The following MVP variants were observed in gnomAD, a reference collection of about 807,000 sequenced individuals.
MVP encodes lung resistance-related protein.
Under a neutral mutation model 83.5 loss-of-function variants are expected in MVP, and 62 were observed. The ratio of observed to expected loss-of-function variants is 0.74; its 90% CI spans 0.61 to 0.92. The LOEUF (loss-of-function observed/expected upper bound fraction) is 0.92. MVP is among the 40% of genes least tolerant of loss of function. MVP has a pLI of 0.00. For synonymous variants in MVP, 505 were observed against 504.1 expected (o/e 1.00, Z -0.02); for missense variants, 1,000 against 1,203.4 (o/e 0.83, Z 2.50).
intron 11 of MVP, among the ~76,000 whole-genome samples, chr16:29,845,588 C>T (rs150055138): frequency 7.2e-5 from 11 of 152,352 alleles, no homozygotes; most frequent in African/African-American, 2.6e-4. Context: ...GTCTCTCCCA[C>T]ACTTGTCACT....
intron 5 of MVP, chr16:29,834,503 T>C: frequency 4.8e-6 from 1 of 208,296 alleles, no homozygotes; most frequent in Non-Finnish European, 9.9e-6. Flanking sequence ...ACCCCATCTC[T>C]ACAGAGAATT....
intron 1 of MVP, 94 bp from the exon 2 acceptor site, chr16:29,830,420 AG>A (rs1348477079): frequency 9.5e-7 from 1 of 1,049,602 alleles, no homozygotes; most frequent in Non-Finnish European, 1.4e-6. Context: ...TGGAGGAGGT[AG>A]GGCCGTATCC....
chr16:29,847,160 T>C, intron 13 of MVP, 37 bp from the exon 14 acceptor site: 1 of 1,602,664 alleles, frequency 6.2e-7, no homozygotes, highest in Non-Finnish European at 8.5e-7. Context: ...CCAGCCTGGG[T>C]CAAAAAATAA....
chr16:29,843,848 C>A (rs1208325605), intron 10 of MVP, among the ~76,000 whole-genome samples: 1 of 151,802 alleles, frequency 6.6e-6, no homozygotes, highest in Non-Finnish European at 1.5e-5. Context: ...TGCAGTGAAC[C>A]CAGATCGAGC....
At chr16:29,847,682 C>A in intron 14 of MVP, 80 bp from the exon 15 acceptor site, 1 of 1,404,438 alleles carries the variant, frequency 7.1e-7, no homozygotes, top group Non-Finnish European at 1.0e-6. Context: ...ACCCTTCAAA[C>A]CAGCTGACTT....
rs1470070649 is a variant in MVP at position 29,845,881 on chromosome 16, G to A, written c.2040G>A (p.Leu680=). The change falls in exon 12 of 15, where the codon CTG becomes CTA. Residue 680 remains leucine (L), a synonymous_variant. Coordinates refer to ENST00000357402, the MANE Select transcript of MVP (RefSeq NM_005115.5). ...EAAAKHEAQR[L]EQEARGRLER... is the part of the protein sequence containing the mutation. ...CCTCCAGGCATGAGGCTCAGAGACT[G>A]GAGCAGGAAGCCCGCGGCCGGCTTG... The A allele has an allele frequency of 6.2e-7, 1 of 1,613,094 alleles. No individual in the cohort carries two copies. The highest frequency in any genetic ancestry group is 8.5e-7 in the Non-Finnish European group (1 of 1,179,002).
Position 29,844,520 on chromosome 16 carries a change from C to A in MVP, c.1662C>A (p.Asp554Glu), listed in dbSNP as rs2067564485. The change falls in exon 11 of 15, where the codon GAC (aspartate) becomes GAA (glutamate). Residue 554 changes from aspartate (D) to glutamate (E), a missense_variant. Physicochemically the swap from Asp to Glu is conservative, Grantham distance 45. Coordinates refer to ENST00000357402, the MANE Select transcript of MVP (RefSeq NM_005115.5). Reference protein sequence around the residue: ...NWHFEVNDRKDPQETAKLFSV... With the variant: ...NWHFEVNDRKEPQETAKLFSV... Reference sequence around the variant, plus strand: ...ACTTTGAGGTGAATGACCGGAAGGACCCCCAAGAGACGGCCAAGCTCTTTT... The same window carrying A: ...ACTTTGAGGTGAATGACCGGAAGGAACCCCAAGAGACGGCCAAGCTCTTTT... 1.3e-6 allele frequency: 2 copies of A among 1,557,328 alleles called. No homozygotes were observed. Among genetic ancestry groups the A allele is most frequent in the East Asian group, 2.3e-5 (1 of 44,370 alleles).
At chr16:29,834,869 A>ATTTTTTTTTTTTTT (rs61591338) in intron 5 of MVP, 1 of 88,912 alleles carries the variant, frequency 1.1e-5, no homozygotes, top group African/African-American at 4.5e-5. Context: ...TTTTTTTTGT[A>ATTTTTTTTTTTTTT]TTTTTTTTTT....
chr16:29,836,880 C>T lies in MVP; in HGVS notation c.831C>T (p.Gly277=), dbSNP rs1375785546. 1.9e-6 allele frequency: 3 copies of T among 1,613,910 alleles called. No individual in the cohort carries two copies. In the Admixed American group the frequency reaches 5.0e-5, roughly 27 times the overall value. Residue 277 remains glycine, a synonymous_variant, in exon 7 of 15, where the codon GGC becomes GGT. Coordinates refer to ENST00000357402, the MANE Select transcript of MVP (RefSeq NM_005115.5). The stretch of plus-strand genomic sequence containing the variant: ...GGGTTGTGCCCATCACCACCCTGGG[C>T]CCCCACAACTACTGCGTGATTCTCG... ...VLGVVPITTL[G]PHNYCVILDP...
At chr16:29,838,847 T>C (rs1174033111) in intron 7 of MVP, among the ~76,000 whole-genome samples, 1 of 151,896 alleles carries the variant, frequency 6.6e-6, no homozygotes, top group Non-Finnish European at 1.5e-5. Flanking sequence ...CAAAAAATAA[T>C]GACATACGTG....
Position 29,841,865 on chromosome 16 carries a change from AG to A in MVP, c.1436+30del, listed in dbSNP as rs752173734. The A allele has an allele frequency of 1.2e-6, 2 of 1,608,252 alleles. No individual in the cohort carries two copies. Among genetic ancestry groups the A allele is most frequent in the South Asian group, 2.2e-5 (2 of 91,038 alleles). ...GGTGAGTGCTGGCAGCGCAGGGTGT[AG>A]GGGGTGGCTCTCCATGGGTCTGGCT... On this transcript the variant is annotated intron_variant, in intron 9 of 14. Coordinates refer to ENST00000357402, the MANE Select transcript of MVP (RefSeq NM_005115.5). The surrounding 1 kb of genome is among the most constrained non-coding windows in gnomAD (Gnocchi z 4.7).
Position 29,836,923 on chromosome 16 carries a change from G to A in MVP, c.874G>A (p.Gly292Ser). The A allele has an allele frequency of 1.2e-6, 2 of 1,613,908 alleles. No individual in the cohort carries two copies. The highest frequency in any genetic ancestry group is 1.7e-6 in the Non-Finnish European group (2 of 1,179,922). Residue 292 changes from glycine (G) to serine (S), a missense_variant, in exon 7 of 15, where the codon GGC becomes AGC. Gly to Ser is a moderately conservative substitution (Grantham distance 56). Coordinates refer to ENST00000357402, the MANE Select transcript of MVP (RefSeq NM_005115.5). ...CVILDPVGPD[G>S]KNQLGQKRVV... is the part of the protein sequence containing the mutation. ...GATTCTCGACCCTGTCGGACCGGATGGCAAGAATCAGCTGGGGCAGAAGCG... is the reference window on the plus strand; with the variant it reads ...GATTCTCGACCCTGTCGGACCGGATAGCAAGAATCAGCTGGGGCAGAAGCG...
chr16:29,840,132 C>A (rs1016895489), intron 7 of MVP, 46 bp from the exon 8 acceptor site: 1 of 1,545,360 alleles, frequency 6.5e-7, no homozygotes, highest in African/African-American at 1.4e-5. Flanking sequence ...TTGGAAGCAC[C>A]CGCAACCCTA....
At chr16:29,844,137 C>T (rs1036562599) in intron 10 of MVP, among the ~76,000 whole-genome samples, 1 of 152,228 alleles carries the variant, frequency 6.6e-6, no homozygotes, top group African/African-American at 2.4e-5. Flanking sequence ...TGGACCTCTA[C>T]TTCCTCATCT....
chr16:29,835,576 G>A lies in MVP; in HGVS notation c.578-128G>A, dbSNP rs371118092. Reference sequence around the variant, plus strand: ...ATAAGAGGACCGCAGTCAGGAACTTGAGCCTGGGGTCAGTGCTATCTTTTT... The same window carrying A: ...ATAAGAGGACCGCAGTCAGGAACTTAAGCCTGGGGTCAGTGCTATCTTTTT... On this transcript the variant is annotated intron_variant, in intron 5 of 14. Coordinates refer to ENST00000357402, the MANE Select transcript of MVP (RefSeq NM_005115.5). 1,446 of 554,192 alleles carry A rather than the reference G, an allele frequency of 2.6e-3. 42 individuals are homozygous for A. In the South Asian group the frequency reaches 0.036, roughly 14 times the overall value. The allele number at this position is 554,192 out of a possible 1,614,324, so 34.3% of individuals were successfully genotyped here. A position where few individuals can be genotyped will look rare whatever the true frequency, so the allele number is the denominator to read the frequency against.
At chr16:29,842,329 G>A (rs186705688) in intron 10 of MVP, among the ~76,000 whole-genome samples, 35 of 151,862 alleles carry the variant, frequency 2.3e-4, no homozygotes, top group African/African-American at 6.8e-4. Context: ...TTTTGAGACC[G>A]AGTTTCACTC....
chr16:29,841,691 G>T lies in MVP; in HGVS notation c.1287G>T (p.Lys429Asn). The change falls in exon 9 of 15, where the codon AAG (lysine) becomes AAT (asparagine). Residue 429 changes from lysine to asparagine, a missense_variant. Lys to Asn is a moderately conservative substitution (Grantham distance 94). Transcript: ENST00000357402. This position sits in a 1 kb window ranked among gnomAD's most constrained non-coding sequence, Gnocchi z 4.7. ...LPPGVEELLN[K>N]GQDPLADRGE... ...CCGGGGTGGAGGAGCTGCTGAACAA[G>T]GGGCAGGACCCTCTGGCAGACAGGG... 33 of 1,612,252 alleles carry T rather than the reference G, an allele frequency of 2.0e-5. No homozygotes were observed. The highest frequency in any genetic ancestry group is 2.8e-5 in the Non-Finnish European group (33 of 1,179,434).
Position 29,831,052 on chromosome 16 carries a change from C to T in MVP, c.300C>T (p.Tyr100=). 1.9e-6 allele frequency: 3 copies of T among 1,612,956 alleles called. No homozygotes were observed. The highest frequency in any genetic ancestry group is 1.1e-5 in the South Asian group (1 of 91,070). ...IRLAQDPFPL[Y]PGEVLEKDIT... ...TGGCCCAGGACCCCTTCCCCCTGTACCCAGGGGAGGTGCTGGAAAAGGTAC... is the reference window on the plus strand; with the variant it reads ...TGGCCCAGGACCCCTTCCCCCTGTATCCAGGGGAGGTGCTGGAAAAGGTAC... Residue 100 remains tyrosine, a synonymous_variant, in exon 3 of 15, where the codon TAC becomes TAT. Coordinates refer to ENST00000357402, the MANE Select transcript of MVP (RefSeq NM_005115.5).
chr16:29,832,457 C>A (rs2150753453), intron 3 of MVP, among the ~76,000 whole-genome samples: 1 of 151,082 alleles, frequency 6.6e-6, no homozygotes, highest in Non-Finnish European at 1.5e-5. Flanking sequence ...ACCACCACAC[C>A]CGGCTAACTT....
Sources: gnomAD v4.1 joint callset for allele counts (sites outside exome capture counted in the v4.1 genomes callset) on GRCh38, gnomAD v4.1.1 for gene constraint, Gnocchi (gnomAD v3.1) non-coding constraint, MANE v1.5 for transcripts, NCBI Gene and HGNC (gene_info 2026-07-23, HGNC 2026-07-21) for gene names.